AUNIP: variants seen among roughly 807,000 people sequenced by gnomAD.
The protein encoded by AUNIP is aurora kinase A and ninein interacting protein.
In AUNIP, 16 loss-of-function variants were observed where a neutral mutation model predicts 12.2. That is an observed-to-expected ratio of 1.31 (90% CI 0.88 to 1.99). The LOEUF (loss-of-function observed/expected upper bound fraction) is 1.99. Among genes scored for constraint, AUNIP ranks in the 30% most tolerant of loss-of-function variants. The pLI is 0.00. For synonymous variants in AUNIP, 142 were observed against 154.8 expected, an observed-to-expected ratio of 0.92 and a Z score of 0.61; for missense variants, 411 against 419.1, an observed-to-expected ratio of 0.98 and a Z score of 0.17.
At position 25,837,692 on chromosome 1, in the gene AUNIP, T is replaced by C. The variant is rs1013747478; in HGVS notation, c.79-138A>G. Reference sequence around the variant, plus strand: ...CACTTATAGCCTATTCTCAAGGTAGTTGGTGCTGGACATCATCTTCCATTT... The same window carrying C: ...CACTTATAGCCTATTCTCAAGGTAGCTGGTGCTGGACATCATCTTCCATTT... On this transcript the variant is annotated intron_variant, in intron 1 of 2. Transcript: ENST00000374298. 8.3e-6 allele frequency: 7 copies of C among 840,946 alleles called. No homozygotes were observed. The African/African-American group carries it at 8.7e-5, about 10-fold the overall frequency. The allele number at this position is 840,946 out of a possible 1,614,324, so 52.1% of individuals were successfully genotyped here.
At position 25,834,939 on chromosome 1, in the gene AUNIP, T is replaced by C. The variant is rs2048287144; in HGVS notation, c.*54A>G. ...ACTCCTCTCTCCACCCACAACTATA[T>C]TTTCCTACATCTCTATCATTTCAAG... On this transcript the variant is annotated 3_prime_UTR_variant, in exon 3 of 3. Coordinates refer to ENST00000374298, the MANE Select transcript of AUNIP (RefSeq NM_024037.3). The C allele has an allele frequency of 6.4e-7, 1 of 1,551,716 alleles. No homozygotes were observed. Among genetic ancestry groups the C allele is most frequent in the Admixed American group, 2.0e-5 (1 of 49,856 alleles).
At position 25,835,800 on chromosome 1, in the gene AUNIP, T is replaced by C. The variant is rs1185091471; in HGVS notation, c.267A>G (p.Glu89=). The change falls in exon 3 of 3, where the codon GAA becomes GAG. Residue 89 remains glutamate (E), a synonymous_variant. Coordinates refer to ENST00000374298, the MANE Select transcript of AUNIP (RefSeq NM_024037.3). ...SDQKSVSSHT[E]SQINKESKKN... is the part of the protein sequence containing the mutation. ...TCTTGGACTCTTTGTTGATCTGACT[T>C]TCTGTATGAGATGAAACACTCTTCT... is the stretch of plus-strand genomic sequence containing the variant. 1 of 1,614,226 alleles carries C rather than the reference T, an allele frequency of 6.2e-7. No individual in the cohort carries two copies. The highest frequency in any genetic ancestry group is 1.3e-5 in the African/African-American group (1 of 75,064).
At chr1:25,851,752 T>C (rs1371418439) in intron 1 of AUNIP, among the ~76,000 whole-genome samples, 2 of 152,220 alleles carry the variant, frequency 1.3e-5, no homozygotes, top group African/African-American at 2.4e-5. Context: ...CTTTATTTTC[T>C]TTTTTAGACA....
intron 1 of AUNIP, among the ~76,000 whole-genome samples, chr1:25,845,723 T>C (rs979122150): frequency 3.3e-5 from 5 of 152,172 alleles, no homozygotes; most frequent in African/African-American, 9.7e-5. Flanking sequence ...TTTAGGAAGG[T>C]AGATATGCAG....
Position 25,835,663 on chromosome 1 carries a change from TGAG to T in AUNIP, c.401_403del (p.Pro134del). The T allele has an allele frequency of 6.2e-7, 1 of 1,614,190 alleles. No individual in the cohort carries two copies. Among genetic ancestry groups the T allele is most frequent in the Non-Finnish European group, 8.5e-7 (1 of 1,180,030 alleles). On this transcript the variant is annotated inframe_deletion, in exon 3 of 3. Coordinates refer to ENST00000374298, the MANE Select transcript of AUNIP (RefSeq NM_024037.3). ...GTGGTGGCCAGAAGTCTGGAGGGAC[TGAG>T]GAGAGAGTCCAGCTTCCTGGATGTC...
chr1:25,857,820 G>A (rs1033593826), intron 1 of AUNIP, among the ~76,000 whole-genome samples: 1 of 151,424 alleles, frequency 6.6e-6, no homozygotes, highest in Non-Finnish European at 1.5e-5. Context: ...CTTAGATCGC[G>A]CCACTGCACT....
chr1:25,833,380 C>T (rs1270863962), downstream of AUNIP, among the ~76,000 whole-genome samples: 2 of 151,998 alleles, frequency 1.3e-5, no homozygotes, highest in African/African-American at 2.4e-5. Flanking sequence ...CCTCCCAGAG[C>T]GTTGAGATTA....
Position 25,834,322 on chromosome 1 carries a change from G to A in AUNIP, c.*671C>T. On this transcript the variant is annotated 3_prime_UTR_variant, in exon 3 of 3. Coordinates refer to ENST00000374298, the MANE Select transcript of AUNIP (RefSeq NM_024037.3). ...GGTTAAGATCAGCCAGAGATTAAAA[G>A]CTCACACATCTGGCTGGGCGCGGTG... 2.0e-6 allele frequency: 2 copies of A among 985,024 alleles called. No individual in the cohort carries two copies. The highest frequency in any genetic ancestry group is 9.4e-5 in the South Asian group (2 of 21,278). The allele number at this position is 985,024 out of a possible 1,614,324, so 61.0% of individuals were successfully genotyped here. A position where few individuals can be genotyped will look rare whatever the true frequency, so the allele number is the denominator to read the frequency against.
intron 1 of AUNIP, among the ~76,000 whole-genome samples, chr1:25,846,189 G>T (rs1422019047): frequency 6.6e-6 from 1 of 152,124 alleles, no homozygotes; most frequent in Non-Finnish European, 1.5e-5. Context: ...GGAGGTCAAG[G>T]CAGGCAGATC....
intron 1 of AUNIP, among the ~76,000 whole-genome samples, chr1:25,844,081 A>C (rs974720385): frequency 6.6e-6 from 1 of 152,194 alleles, no homozygotes; most frequent in Non-Finnish European, 1.5e-5. Flanking sequence ...TGAAAGGAAG[A>C]GTCATCGAGG....
At chr1:25,844,506 TTAAATTAA>T (rs1188639270) in intron 1 of AUNIP, among the ~76,000 whole-genome samples, 1 of 152,224 alleles carries the variant, frequency 6.6e-6, no homozygotes, top group East Asian at 1.9e-4. Context: ...TCCACAGCAC[TTAAATTAA>T]GTTTAGCTCT....
In AUNIP at chr1:25,835,137, G is replaced by T. The variant is rs199780918; in HGVS notation, c.930C>A (p.Thr310=). 3.6e-5 allele frequency: 58 copies of T among 1,614,166 alleles called. No individual in the cohort carries two copies. The South Asian group carries it at 5.5e-4, about 15-fold the overall frequency. Residue 310 remains threonine (T), a synonymous_variant, in exon 3 of 3, where the codon ACC becomes ACA. Coordinates refer to ENST00000374298, the MANE Select transcript of AUNIP (RefSeq NM_024037.3). ...GCCCTAAGTCCCAATTCCAGTTATT[G>T]GTTACATCTTGAAAAGGAGCTCTAG... ...HNTRAPFQDV[T]NNWNWDLGPF...
In AUNIP at chr1:25,835,003, T is replaced by A; in HGVS notation, c.1064A>T (p.His355Leu). 6.2e-7 allele frequency: 1 copy of A among 1,605,744 alleles called. No homozygotes were observed. Among genetic ancestry groups the A allele is most frequent in the Non-Finnish European group, 8.5e-7 (1 of 1,176,162 alleles). ...QDSEGNQVIR[H>L]QF ...CAAAGCTTCAAACATTTAGAATTGG[T>A]GTCTGATAACTTGATTACCTTCAGA... is the stretch of plus-strand genomic sequence containing the variant. The change falls in exon 3 of 3, where the codon CAC becomes CTC. Residue 355 changes from histidine (H) to leucine (L), a missense_variant. Physicochemically the swap from His to Leu is moderately conservative, Grantham distance 99. Coordinates refer to ENST00000374298, the MANE Select transcript of AUNIP (RefSeq NM_024037.3).
At chr1:25,858,349 A>G (rs1406920570) in intron 1 of AUNIP, among the ~76,000 whole-genome samples, 2 of 152,174 alleles carry the variant, frequency 1.3e-5, no homozygotes. Flanking sequence ...TATTGTTGTT[A>G]TTATTTATAC....
In AUNIP at chr1:25,834,931, C is replaced by A; in HGVS notation, c.*62G>T. On this transcript the variant is annotated 3_prime_UTR_variant, in exon 3 of 3. Transcript: ENST00000374298. ...ACAAACTCACTCCTCTCTCCACCCA[C>A]AACTATATTTTCCTACATCTCTATC... The A allele has an allele frequency of 1.3e-6, 2 of 1,546,156 alleles. No homozygotes were observed. The highest frequency in any genetic ancestry group is 1.7e-6 in the Non-Finnish European group (2 of 1,149,800).
At chr1:25,857,234 A>G (rs1331286670) in intron 1 of AUNIP, among the ~76,000 whole-genome samples, 4 of 148,520 alleles carry the variant, frequency 2.7e-5, no homozygotes, top group African/African-American at 7.4e-5. Flanking sequence ...ATAAATAGCT[A>G]TTGCACATTT....
intron 1 of AUNIP, among the ~76,000 whole-genome samples, chr1:25,838,243 A>G (rs10902696): frequency 0.79 from 119,297 of 151,646 alleles, 47,091 homozygotes; most frequent in East Asian, 0.98. Context: ...GGTGGCTCAC[A>G]CCTGTAATCC....
rs995677481 is a variant in AUNIP at position 25,834,666 on chromosome 1, C to G, written c.*327G>C. 1.9e-6 allele frequency: 2 copies of G among 1,050,544 alleles called. No individual in the cohort carries two copies. The highest frequency in any genetic ancestry group is 2.3e-6 in the Non-Finnish European group (2 of 871,420). 65.1% of individuals were successfully genotyped at this position (1,050,544 alleles called of 1,614,324 possible). On this transcript the variant is annotated 3_prime_UTR_variant, in exon 3 of 3. Coordinates refer to ENST00000374298, the MANE Select transcript of AUNIP (RefSeq NM_024037.3). ...CATAAGCAAGGTCCCAGTCAGACAT[C>G]TGGAAGGGCAAAGAGATGGCTCTGT...
At chr1:25,848,931 T>C (rs1044714388) in intron 1 of AUNIP, among the ~76,000 whole-genome samples, 1 of 152,226 alleles carries the variant, frequency 6.6e-6, no homozygotes, top group African/African-American at 2.4e-5. Context: ...ACCCCTGCCA[T>C]TGGCTGATTT....
Sources: gnomAD v4.1 joint callset for allele counts (sites outside exome capture counted in the v4.1 genomes callset) on GRCh38, gnomAD v4.1.1 for gene constraint, MANE v1.5 for transcripts, NCBI Gene and HGNC (gene_info 2026-07-23, HGNC 2026-07-21) for gene names.